Variants in ADCYAP1R1 observed in about 807,000 individuals in gnomAD.
The protein encoded by ADCYAP1R1 is ADCYAP receptor type I.
In ADCYAP1R1, 44 loss-of-function variants were observed where a neutral mutation model predicts 67.6. The observed-to-expected ratio is 0.65, with a 90% CI of 0.51 to 0.84. The LOEUF is 0.84. Ranked by LOEUF, ADCYAP1R1 falls within the 40% of genes least tolerant of loss-of-function variation. ADCYAP1R1 has a pLI of 0.00. For synonymous variants in ADCYAP1R1, 222 were observed against 219.6 expected (o/e 1.01, Z -0.10); for missense variants, 477 against 587.9 (o/e 0.81, Z 1.95).
intron 4 of ADCYAP1R1, among the ~76,000 whole-genome samples, chr7:31,079,200 C>T (rs986182615): frequency 3.9e-5 from 6 of 152,334 alleles, no homozygotes; most frequent in Non-Finnish European, 7.4e-5. Flanking sequence ...TCTTCCAGAA[C>T]GGTTCCTGCC....
At chr7:31,053,941 C>A (rs1485492435) in intron 1 of ADCYAP1R1, among the ~76,000 whole-genome samples, 1 of 152,082 alleles carries the variant, frequency 6.6e-6, no homozygotes, top group African/African-American at 2.4e-5. Context: ...TATGTTTGAG[C>A]CTTTGGGGGC....
intron 11 of ADCYAP1R1, 83 bp from the exon 12 acceptor site, chr7:31,087,544 C>T (rs76824070): frequency 0.037 from 47,567 of 1,281,762 alleles, 1,209 homozygotes; most frequent in East Asian, 0.12. Context: ...TGTCGGGCAC[C>T]CAGCTAGGCA....
intron 13 of ADCYAP1R1, among the ~76,000 whole-genome samples, chr7:31,097,814 TG>T (rs3216474): frequency 0.21 from 31,869 of 150,512 alleles, 3,886 homozygotes; most frequent in African/African-American, 0.34. Context: ...CAGATACAGT[TG>T]GGGGGGGGTC....
chr7:31,093,942 C>T (rs1796075940), intron 13 of ADCYAP1R1, among the ~76,000 whole-genome samples: 1 of 151,976 alleles, frequency 6.6e-6, no homozygotes, highest in Non-Finnish European at 1.5e-5. Flanking sequence ...TAGATCCTTC[C>T]CTAAGGCTCC....
intron 3 of ADCYAP1R1, among the ~76,000 whole-genome samples, chr7:31,069,845 G>A (rs934065278): frequency 2.0e-5 from 3 of 152,206 alleles, no homozygotes; most frequent in Non-Finnish European, 4.4e-5. Context: ...CAAGCTTGGA[G>A]CCTGCCTTGC....
At chr7:31,053,049 G>A (rs1196148004) in intron 1 of ADCYAP1R1, among the ~76,000 whole-genome samples, 2 of 152,198 alleles carry the variant, frequency 1.3e-5, no homozygotes, top group African/African-American at 4.8e-5. Flanking sequence ...CGGCCGGAGG[G>A]ACCCGGAGGG....
chr7:31,054,117 C>T (rs1442985475), intron 1 of ADCYAP1R1, among the ~76,000 whole-genome samples: 1 of 152,194 alleles, frequency 6.6e-6, no homozygotes, highest in Non-Finnish European at 1.5e-5. Flanking sequence ...AAGCCGAAAT[C>T]TGAACATACA....
intron 13 of ADCYAP1R1, 145 bp downstream of exon 13, chr7:31,092,880 T>C: frequency 1.6e-6 from 1 of 615,706 alleles, no homozygotes; most frequent in Non-Finnish European, 2.8e-6. Flanking sequence ...TAAAGAGCCT[T>C]TAATATAGTT....
chr7:31,076,873 G>A (rs1475795481), intron 3 of ADCYAP1R1, among the ~76,000 whole-genome samples: 2 of 152,130 alleles, frequency 1.3e-5, no homozygotes, highest in African/African-American at 4.8e-5. Context: ...GGAGGGGCTA[G>A]GGTGGGCATG....
intron 1 of ADCYAP1R1, 54 bp from the exon 2 acceptor site, chr7:31,063,140 G>GC (rs2128616613): frequency 8.8e-7 from 1 of 1,137,264 alleles, no homozygotes; most frequent in East Asian, 2.4e-5. Flanking sequence ...AGGTGGTCTT[G>GC]CCCCCGGCCA....
At position 31,108,670 on chromosome 7, in the gene ADCYAP1R1, T is replaced by A. The variant is rs1796738198; in HGVS notation, c.*1986T>A. 1 of 152,174 alleles carries A rather than the reference T, an allele frequency of 6.6e-6. No homozygotes were observed. Among genetic ancestry groups the A allele is most frequent in the African/African-American group, 2.4e-5 (1 of 41,428 alleles). 9.4% of individuals were successfully genotyped at this position (152,174 alleles called of 1,614,324 possible). A position where few individuals can be genotyped will look rare whatever the true frequency, so the allele number is the denominator to read the frequency against. On this transcript the variant is annotated 3_prime_UTR_variant, in exon 16 of 16. Coordinates refer to ENST00000304166, the MANE Select transcript of ADCYAP1R1 (RefSeq NM_001118.5). The stretch of plus-strand genomic sequence containing the variant: ...TGCTTCTCTAGGCCCTGCACGTAAG[T>A]GATTTTTCCAGTTCAAAGTCAAGAC...
At chr7:31,056,360 T>C (rs1042862492) in intron 1 of ADCYAP1R1, among the ~76,000 whole-genome samples, 7 of 152,150 alleles carry the variant, frequency 4.6e-5, no homozygotes, top group African/African-American at 1.7e-4. Context: ...TCCTGATCGA[T>C]GGGCACTGCA....
At chr7:31,089,852 C>T (rs1455169910) in intron 12 of ADCYAP1R1, among the ~76,000 whole-genome samples, 1 of 152,110 alleles carries the variant, frequency 6.6e-6, no homozygotes, top group African/African-American at 2.4e-5. Flanking sequence ...CCTTTATTAA[C>T]ATGATCTGTT....
chr7:31,083,290 G>T (rs77035447), intron 6 of ADCYAP1R1, among the ~76,000 whole-genome samples: 6 of 152,064 alleles, frequency 3.9e-5, no homozygotes, highest in African/African-American at 1.5e-4. Flanking sequence ...ATAAACCATC[G>T]GGTGAAGGGA....
chr7:31,078,128 G>A (rs374198118), intron 4 of ADCYAP1R1, 30 bp downstream of exon 4: 56 of 1,555,810 alleles, frequency 3.6e-5, no homozygotes, highest in African/African-American at 5.4e-5. Flanking sequence ...TTTAGGCCAC[G>A]CTGGCCTAGC....
chr7:31,079,376 A>C (rs990424932), intron 4 of ADCYAP1R1, among the ~76,000 whole-genome samples: 7 of 152,164 alleles, frequency 4.6e-5, no homozygotes, highest in Non-Finnish European at 7.3e-5. Context: ...CTGGCCATCA[A>C]GCCATGGGCG....
chr7:31,098,283 T>C (rs890390273), intron 13 of ADCYAP1R1, among the ~76,000 whole-genome samples: 2 of 152,256 alleles, frequency 1.3e-5, no homozygotes, highest in African/African-American at 4.8e-5. Context: ...CCAGTTAAGC[T>C]ATTTTAATTA....
At chr7:31,077,130 C>T (rs886316031) in intron 3 of ADCYAP1R1, among the ~76,000 whole-genome samples, 5 of 152,214 alleles carry the variant, frequency 3.3e-5, no homozygotes, top group Non-Finnish European at 5.9e-5. Context: ...GCTGAGCCCT[C>T]CCTCAGACTG....
At position 31,111,156 on chromosome 7, in the gene ADCYAP1R1, GCC is replaced by G. The variant is rs1796848996; in HGVS notation, c.*4474_*4475del. The stretch of plus-strand genomic sequence containing the variant: ...TCAAGGATCTGGGACATTTTGGTGT[GCC>G]CATTCCTTCTTTTCCTGAACTCACA... On this transcript the variant is annotated 3_prime_UTR_variant, in exon 16 of 16. Coordinates refer to ENST00000304166, the MANE Select transcript of ADCYAP1R1 (RefSeq NM_001118.5). 6.6e-6 allele frequency: 1 copy of G among 152,206 alleles called. No homozygotes were observed. The highest frequency in any genetic ancestry group is 2.1e-4 in the South Asian group (1 of 4,832). The allele number at this position is 152,206 out of a possible 1,614,324, so 9.4% of individuals were successfully genotyped here. A position where few individuals can be genotyped will look rare whatever the true frequency, so the allele number is the denominator to read the frequency against.
Sources: gnomAD v4.1 joint callset for allele counts (sites outside exome capture counted in the v4.1 genomes callset) on GRCh38, gnomAD v4.1.1 for gene constraint, MANE v1.5 for transcripts, NCBI Gene and HGNC (gene_info 2026-07-23, HGNC 2026-07-21) for gene names.